Variants in COBL observed in about 807,000 individuals in gnomAD.
COBL encodes the protein protein cordon-bleu.
A neutral mutation model predicts 98.8 loss-of-function variants in COBL; 51 were observed. The observed-to-expected ratio is 0.52, with a 90% CI of 0.41 to 0.65. The LOEUF (loss-of-function observed/expected upper bound fraction) is 0.65, where lower values mean the gene tolerates loss of function less well. Ranked by LOEUF, COBL falls within the 30% of genes least tolerant of loss-of-function variation. The probability of loss-of-function intolerance (pLI) is 0.00; values close to 1 mark genes in which losing one functional copy is unlikely to be tolerated. For synonymous variants in COBL, 634 were observed against 651.7 expected (o/e 0.97, Z 0.41); for missense variants, 1,617 against 1,617.5 (o/e 1.00, Z 0.01).
Position 51,247,035 on chromosome 7 carries a change from T to C in COBL, c.42-27091A>G, listed in dbSNP as rs564495353. Among the ~76,000 whole-genome samples the C allele has an allele frequency of 2.0e-5, 3 of 152,294 alleles. No individual in the cohort carries two copies. In the South Asian group the frequency reaches 6.2e-4, roughly 32 times the overall value. On this transcript the variant is annotated intron_variant, in intron 1 of 12. Transcript: ENST00000265136. ...ACCAAGCAGTGCGGGCCTGCAGGAC[T>C]CAGTGCCTCACAAAACCAGCGGATA...
rs1191768848 is a variant in COBL, at chr7:51,156,217, T to G, written c.784-19886A>C. On this transcript the variant is annotated intron_variant, in intron 5 of 12. Transcript: ENST00000265136. ...GCACACACACACACACACACAAAAT[T>G]TACAAGCCAAGAAGGCAAATTAATT... 4.1e-6 allele frequency: 4 copies of G among 982,850 alleles called. No homozygotes were observed. In the African/African-American group the frequency reaches 5.3e-5, roughly 13 times the overall value. 60.9% of individuals were successfully genotyped at this position (982,850 alleles called of 1,614,324 possible). A position where few individuals can be genotyped will look rare whatever the true frequency, so the allele number is the denominator to read the frequency against.
intron 2 of COBL, among the ~76,000 whole-genome samples, chr7:51,197,977 T>A (rs917658797): frequency 1.3e-5 from 2 of 152,238 alleles, no homozygotes; most frequent in African/African-American, 2.4e-5. Context: ...AGCTTACTAC[T>A]CTGTGCCTTT....
chr7:51,061,733 G>C (rs1225608923), intron 7 of COBL, among the ~76,000 whole-genome samples: 2 of 152,110 alleles, frequency 1.3e-5, no homozygotes, highest in Non-Finnish European at 2.9e-5. Context: ...AAAAAGGCAG[G>C]GAAGGGTGAA....
At chr7:51,148,184 A>G (rs958568400) in intron 5 of COBL, among the ~76,000 whole-genome samples, 2 of 152,186 alleles carry the variant, frequency 1.3e-5, no homozygotes, top group African/African-American at 4.8e-5. Context: ...CTCTTTGAAG[A>G]GGAACCTCTA....
chr7:51,064,755 T>C (rs1009818878), intron 7 of COBL: 1 of 171,794 alleles, frequency 5.8e-6, no homozygotes, highest in African/African-American at 2.4e-5. Flanking sequence ...GGACATTTTA[T>C]ATTTTTTTTT....
intron 6 of COBL, among the ~76,000 whole-genome samples, chr7:51,106,455 G>A (rs1243063130): frequency 6.6e-6 from 1 of 152,174 alleles, no homozygotes; most frequent in East Asian, 1.9e-4. Context: ...TAATTTAAGT[G>A]ACATGTCGCC....
chr7:51,034,956 A>T (rs1005505147), intron 8 of COBL: 5 of 152,142 alleles, frequency 3.3e-5, no homozygotes, highest in African/African-American at 1.2e-4. Context: ...GGAGTTGGGG[A>T]CTCTGCAGGG....
chr7:51,277,677 T>A (rs1584385487), intron 1 of COBL, among the ~76,000 whole-genome samples: 1 of 151,766 alleles, frequency 6.6e-6, no homozygotes. Context: ...GATACAAGGG[T>A]GGAATACTCT....
chr7:51,021,694 T>C (rs959989768), intron 12 of COBL, among the ~76,000 whole-genome samples: 1 of 152,192 alleles, frequency 6.6e-6, no homozygotes, highest in African/African-American at 2.4e-5. Flanking sequence ...CCATATAATT[T>C]GATGTTCGCA....
At chr7:51,127,617 G>C (rs1159374026) in intron 6 of COBL, among the ~76,000 whole-genome samples, 4 of 152,190 alleles carry the variant, frequency 2.6e-5, no homozygotes, top group Non-Finnish European at 5.9e-5. Flanking sequence ...AAAGACTAAA[G>C]CATTCACAAT....
At chr7:51,204,554 C>CTT (rs540131673) in intron 2 of COBL, among the ~76,000 whole-genome samples, 72 of 137,560 alleles carry the variant, frequency 5.2e-4, no homozygotes, top group East Asian at 2.3e-3. Context: ...AAATCAGTGG[C>CTT]TTTTTTTTTT....
intron 6 of COBL, among the ~76,000 whole-genome samples, chr7:51,127,885 C>T (rs1234817433): frequency 6.6e-6 from 1 of 152,196 alleles, no homozygotes; most frequent in Non-Finnish European, 1.5e-5. Context: ...TTGACCTTCA[C>T]TGGAGGATGG....
At chr7:51,167,980 A>G (rs1787490305) in intron 5 of COBL, among the ~76,000 whole-genome samples, 1 of 152,164 alleles carries the variant, frequency 6.6e-6, no homozygotes, top group African/African-American at 2.4e-5. Flanking sequence ...AATTGGGGAA[A>G]ATCTCCAGGA....
intron 1 of COBL, among the ~76,000 whole-genome samples, chr7:51,228,824 C>T (rs1794454125): frequency 6.6e-6 from 1 of 152,104 alleles, no homozygotes; most frequent in East Asian, 1.9e-4. Context: ...ACTCCATGCT[C>T]ATGCTGAGCA....
rs138677239 is a variant in COBL at position 51,211,441 on chromosome 7, C to T, written c.245+8300G>A. Reference sequence around the variant, plus strand: ...ACCTCACAGGGTGGATAGAGTTTTACGTGAAGTAACATTTTTAAGGCACCG... The same window carrying T: ...ACCTCACAGGGTGGATAGAGTTTTATGTGAAGTAACATTTTTAAGGCACCG... On this transcript the variant is annotated intron_variant, in intron 2 of 12. Transcript: ENST00000265136. Among the ~76,000 whole-genome samples, 38 of 152,344 alleles carry T rather than the reference C, an allele frequency of 2.5e-4. 1 individual carries two copies. The highest frequency in any genetic ancestry group is 3.9e-4 in the Admixed American group (6 of 15,308).
chr7:51,136,259 C>T lies in COBL; in HGVS notation c.856G>A (p.Gly286Ser), dbSNP rs753905920. The T allele has an allele frequency of 1.9e-6, 3 of 1,613,844 alleles. No individual in the cohort carries two copies. The African/African-American group carries it at 4.0e-5, about 22-fold the overall frequency. The change falls in exon 6 of 13, where the codon GGC (glycine) becomes AGC (serine). Residue 286 changes from glycine (G) to serine (S), a missense_variant. Gly to Ser is a moderately conservative substitution (Grantham distance 56). Around this residue, in one of 3 missense-constraint regions of COBL, gnomAD observed 1,304 missense variants for 1,282.0 expected, o/e 1.02. Coordinates refer to ENST00000265136, the MANE Select transcript of COBL (RefSeq NM_015198.5). The stretch of plus-strand genomic sequence containing the variant: ...TTCACGGACACCCCTGAGATGCTGC[C>T]CAGCGAGAGGGATGGACCCAGCGTA... The part of the protein sequence containing the change: ...SLTLGPSLSL[G>S]SISGVSVKSE...
At chr7:51,074,400 T>C (rs1792863235) in intron 7 of COBL, among the ~76,000 whole-genome samples, 1 of 152,124 alleles carries the variant, frequency 6.6e-6, no homozygotes, top group Admixed American at 6.5e-5. Context: ...TTCACTATAT[T>C]GGCCAGGATG....
At chr7:51,241,798 A>G (rs998084389) in intron 1 of COBL, among the ~76,000 whole-genome samples, 3 of 152,176 alleles carry the variant, frequency 2.0e-5, no homozygotes, top group Non-Finnish European at 4.4e-5. Flanking sequence ...GCTGCTCACA[A>G]GGTCCATCCT....
rs941412597 is a variant in COBL at position 51,030,745 on chromosome 7, G to C, written c.1504+67C>G. The C allele has an allele frequency of 1.0e-5, 10 of 976,490 alleles. 1 individual carries two copies. In the Admixed American group the frequency reaches 1.7e-4, roughly 16 times the overall value. The allele number at this position is 976,490 out of a possible 1,614,324, so 60.5% of individuals were successfully genotyped here. A position where few individuals can be genotyped will look rare whatever the true frequency, so the allele number is the denominator to read the frequency against. ...ATAGATACATCAAAGTATGCTCAGAGGAAGTTACTGTTGGCACCTACTTTC... is the reference window on the plus strand; with the variant it reads ...ATAGATACATCAAAGTATGCTCAGACGAAGTTACTGTTGGCACCTACTTTC... On this transcript the variant is annotated intron_variant, in intron 9 of 12. Transcript: ENST00000265136.
Sources: allele counts gnomAD v4.1 joint callset (sites outside exome capture counted in the v4.1 genomes callset), GRCh38; gene constraint gnomAD v4.1.1; regional missense constraint gnomAD v4.1.1; transcripts MANE v1.5; gene names NCBI Gene and HGNC (gene_info 2026-07-23, HGNC 2026-07-21).